FREM1: variants seen among roughly 807,000 people sequenced by gnomAD.
FREM1 encodes FRAS1-related extracellular matrix protein 1.
Under a neutral mutation model 210.1 loss-of-function variants are expected in FREM1, and 220 were observed. The observed-to-expected ratio is 1.05, with a 90% CI of 0.94 to 1.17. The LOEUF is 1.17. Among genes scored for constraint, FREM1 ranks in the 50% most tolerant of loss-of-function variants. FREM1 has a pLI of 0.00. For synonymous variants in FREM1, 1,189 were observed against 980.2 expected (o/e 1.21, Z -3.98); for missense variants, 3,454 against 2,675.5 (o/e 1.29, Z -6.42).
intron 10 of FREM1, among the ~76,000 whole-genome samples, chr9:14,829,689 G>A (rs970733599): frequency 2.0e-5 from 3 of 152,152 alleles, no homozygotes; most frequent in Admixed American, 6.5e-5. Context: ...CCAGAACCAT[G>A]AGCCAAATAA....
At chr9:14,792,210 A>C (rs751668922) in intron 22 of FREM1, among the ~76,000 whole-genome samples, 1 of 151,692 alleles carries the variant, frequency 6.6e-6, no homozygotes, top group Non-Finnish European at 1.5e-5. Flanking sequence ...AAATAATGAA[A>C]GTTTTCATTT....
At chr9:14,778,431 C>A (rs905890419) in intron 24 of FREM1, among the ~76,000 whole-genome samples, 11 of 150,590 alleles carry the variant, frequency 7.3e-5, no homozygotes, top group African/African-American at 2.4e-4. Flanking sequence ...GGTAACATGG[C>A]AAAACCCTTT....
intron 27 of FREM1, among the ~76,000 whole-genome samples, chr9:14,763,873 A>C (rs552895572): frequency 6.6e-6 from 1 of 152,322 alleles, no homozygotes; most frequent in East Asian, 1.9e-4. Flanking sequence ...CTTGTAGAGC[A>C]TCTAAAACAT....
intron 27 of FREM1, 62 bp from the exon 28 acceptor site, chr9:14,759,963 T>C (rs2132261648): frequency 1.4e-5 from 19 of 1,398,522 alleles, no homozygotes; most frequent in Non-Finnish European, 1.7e-5. Flanking sequence ...AGGGATTCTC[T>C]GCTGAGCGGA....
intron 10 of FREM1, among the ~76,000 whole-genome samples, chr9:14,839,094 T>C (rs1825167542): frequency 1.3e-5 from 2 of 152,194 alleles, no homozygotes; most frequent in African/African-American, 4.8e-5. Flanking sequence ...AAGGATTTGG[T>C]TAATCACCTC....
At chr9:14,802,577 G>A (rs1817487891) in intron 19 of FREM1, among the ~76,000 whole-genome samples, 1 of 152,024 alleles carries the variant, frequency 6.6e-6, no homozygotes, top group Admixed American at 6.5e-5. Context: ...ACAATTAAAT[G>A]TTTATCATTT....
intron 15 of FREM1, 110 bp from the exon 16 acceptor site, chr9:14,813,174 C>T: frequency 8.5e-7 from 1 of 1,173,544 alleles, no homozygotes; most frequent in Non-Finnish European, 1.2e-6. Flanking sequence ...ATCTTACAGA[C>T]ACATGAAACA....
chr9:14,767,479 C>T lies in FREM1; in HGVS notation c.5204+2245G>A, dbSNP rs73413766. Among the ~76,000 whole-genome samples the T allele has an allele frequency of 8.6e-3, 1,310 of 152,218 alleles. 21 individuals are homozygous for T. Among genetic ancestry groups the T allele is most frequent in the African/African-American group, 0.03 (1,227 of 41,522 alleles). On this transcript the variant is annotated intron_variant, in intron 27 of 36. Transcript: ENST00000380880. The stretch of plus-strand genomic sequence containing the variant: ...AGAAAAGTCACTTTCTAGCTCTGTC[C>T]TCAGTTTTCTCATCTGTAAATTTCA...
intron 15 of FREM1, 21 bp from the exon 16 acceptor site, chr9:14,813,085 A>C (rs764858061): frequency 6.9e-6 from 11 of 1,583,280 alleles, no homozygotes; most frequent in Non-Finnish European, 9.5e-6. Flanking sequence ...GAAAAAATGC[A>C]TGTTTTCAGA....
chr9:14,760,779 G>A (rs1845348614), intron 27 of FREM1, among the ~76,000 whole-genome samples: 1 of 152,110 alleles, frequency 6.6e-6, no homozygotes, highest in Admixed American at 6.6e-5. Context: ...GAAGTTCTTT[G>A]CGACTCTTTT....
At chr9:14,771,395 C>G (rs1847549377) in intron 25 of FREM1, among the ~76,000 whole-genome samples, 1 of 152,158 alleles carries the variant, frequency 6.6e-6, no homozygotes, top group Non-Finnish European at 1.5e-5. Flanking sequence ...TATTTCTAGA[C>G]ATTTGCATAT....
intron 20 of FREM1, among the ~76,000 whole-genome samples, chr9:14,801,092 A>G (rs1198255711): frequency 1.3e-5 from 2 of 152,100 alleles, no homozygotes; most frequent in East Asian, 3.9e-4. Context: ...TCTGCCTCCC[A>G]GGCTCAAGCG....
In FREM1 at chr9:14,746,480, TTGTC is replaced by T; in HGVS notation, c.6139-16_6139-13del. 1 of 1,596,676 alleles carries T rather than the reference TTGTC, an allele frequency of 6.3e-7. No homozygotes were observed. Among genetic ancestry groups the T allele is most frequent in the South Asian group, 1.1e-5 (1 of 90,724 alleles). ...TTGTCTTCCACATCCTGAAAAACAG[TTGTC>T]TGTGTTCATATCATAATGGTCTTTA... On this transcript the variant is annotated splice_polypyrimidine_tract_variant and intron_variant, in intron 34 of 36. Transcript: ENST00000380880.
chr9:14,836,400 G>A lies in FREM1; in HGVS notation c.1881+5047C>T, dbSNP rs1225773121. 6.6e-6 allele frequency among the ~76,000 whole-genome samples: 1 copy of A among 152,170 alleles called. No homozygotes were observed. The highest frequency in any genetic ancestry group is 1.5e-5 in the Non-Finnish European group (1 of 68,026). On this transcript the variant is annotated intron_variant, in intron 10 of 36. Coordinates refer to ENST00000380880, the MANE Select transcript of FREM1 (RefSeq NM_001379081.2). This position sits in a 1 kb window ranked among gnomAD's most constrained non-coding sequence, Gnocchi z 4.9. ...CTGCTAGGATTTTTTATTGGATTTA[G>A]TGATGCACTTTTAAATGAAACATGC...
At position 14,887,632 on chromosome 9, in the gene FREM1, A is replaced by AT. The variant is rs539118379; in HGVS notation, c.-267-18389dup. Reference sequence around the variant, plus strand: ...TGAGAAAGAGCCTGTGACTTCTAAGATTTTTTTTTCTTTAATAAACAATTT... The same window carrying AT: ...TGAGAAAGAGCCTGTGACTTCTAAGATTTTTTTTTTCTTTAATAAACAATTT... On this transcript the variant is annotated intron_variant, in intron 1 of 36. Transcript: ENST00000380880. Among the ~76,000 whole-genome samples, 11 of 151,720 alleles carry AT rather than the reference A, an allele frequency of 7.3e-5. No homozygotes were observed. The East Asian group carries it at 1.4e-3, about 19-fold the overall frequency.
At chr9:14,860,770 T>TAC (rs1797307625) in intron 3 of FREM1, among the ~76,000 whole-genome samples, 1 of 110,544 alleles carries the variant, frequency 9.0e-6, no homozygotes, top group East Asian at 3.6e-4. Context: ...TGCACATATA[T>TAC]ACACATATAT....
chr9:14,757,115 A>G (rs138441275), intron 28 of FREM1, among the ~76,000 whole-genome samples: 46 of 152,348 alleles, frequency 3.0e-4, no homozygotes, highest in African/African-American at 1.0e-3. Context: ...TAAAACAACA[A>G]CAACAAAAAT....
At chr9:14,904,895 C>A (rs994178634) in intron 1 of FREM1, among the ~76,000 whole-genome samples, 1 of 152,146 alleles carries the variant, frequency 6.6e-6, no homozygotes, top group Non-Finnish European at 1.5e-5. Flanking sequence ...CAAGCCTTTG[C>A]AGGTTTTGTC....
intron 1 of FREM1, among the ~76,000 whole-genome samples, chr9:14,892,913 C>T (rs1377052625): frequency 6.6e-6 from 1 of 152,136 alleles, no homozygotes; most frequent in East Asian, 1.9e-4. Flanking sequence ...AGTTGAAATT[C>T]CTGGTCAGAG....
Sources: gnomAD v4.1 joint callset for allele counts (sites outside exome capture counted in the v4.1 genomes callset) on GRCh38, gnomAD v4.1.1 for gene constraint, Gnocchi (gnomAD v3.1) non-coding constraint, MANE v1.5 for transcripts, NCBI Gene and HGNC (gene_info 2026-07-23, HGNC 2026-07-21) for gene names.